The following TBC1D7 variants were observed in gnomAD, a reference collection of about 807,000 sequenced individuals.
TBC1D7 encodes TBC1 domain family member 7, also known as TBC domain family 7.
TBC1D7 carries 33 observed loss-of-function variants against 35.3 expected under a neutral mutation model. That is an observed-to-expected ratio of 0.93 (90% CI 0.71 to 1.25). The LOEUF is 1.25. Ranked by LOEUF, TBC1D7 falls within the 50% of genes most tolerant of loss-of-function variation. The pLI is 0.00. For missense variants in TBC1D7, 362 were observed against 365.3 expected, an observed-to-expected ratio of 0.99 and a Z score of 0.07; for synonymous variants, 135 against 129.5, an observed-to-expected ratio of 1.04 and a Z score of -0.29.
chr6:13,316,497 G>C (rs1783626693), intron 5 of TBC1D7, 74 bp downstream of exon 5: 20 of 1,499,280 alleles, frequency 1.3e-5, no homozygotes, highest in Non-Finnish European at 1.6e-5. Flanking sequence ...GCCCCAGGAG[G>C]TAAGAGCACT....
chr6:13,315,559 A>G (rs1201039850), intron 5 of TBC1D7, among the ~76,000 whole-genome samples: 1 of 152,052 alleles, frequency 6.6e-6, no homozygotes, highest in Non-Finnish European at 1.5e-5. Flanking sequence ...ACTAAAAAAG[A>G]TACAAAAATT....
chr6:13,318,809 T>C (rs1039175335), intron 4 of TBC1D7: 1 of 152,172 alleles, frequency 6.6e-6, no homozygotes, highest in Non-Finnish European at 1.5e-5. Flanking sequence ...AACTAATACA[T>C]GCAGAAAGAA....
chr6:13,305,278 TG>T, intron 7 of TBC1D7, 91 bp from the exon 8 acceptor site: 1 of 1,234,012 alleles, frequency 8.1e-7, no homozygotes, highest in South Asian at 1.2e-5. Context: ...TCCACTTCCA[TG>T]GGAGTTTGCA....
At chr6:13,325,340 C>T (rs1784334228) in intron 2 of TBC1D7, among the ~76,000 whole-genome samples, 166 bp from the exon 3 acceptor site, 3 of 152,172 alleles carry the variant, frequency 2.0e-5, no homozygotes, top group Admixed American at 6.5e-5. Flanking sequence ...TGATTTCTAG[C>T]CCAAGACTTC....
chr6:13,319,773 T>G (rs1783898000), intron 4 of TBC1D7: 1 of 152,224 alleles, frequency 6.6e-6, no homozygotes. Context: ...AATAAAAATT[T>G]TTTAGAAATC....
At chr6:13,317,698 G>C (rs1437176313) in intron 4 of TBC1D7, among the ~76,000 whole-genome samples, 1 of 152,242 alleles carries the variant, frequency 6.6e-6, no homozygotes. Context: ...CTCCCGTGCA[G>C]TTCTGTGCAC....
At chr6:13,305,291 T>C in intron 7 of TBC1D7, 104 bp from the exon 8 acceptor site, 1 of 1,098,730 alleles carries the variant, frequency 9.1e-7, no homozygotes, top group Non-Finnish European at 1.4e-6. Flanking sequence ...GAGTTTGCAC[T>C]GTTTTTCAGA....
chr6:13,313,644 A>C (rs1294837360), intron 5 of TBC1D7, among the ~76,000 whole-genome samples: 1 of 152,208 alleles, frequency 6.6e-6, no homozygotes, highest in Non-Finnish European at 1.5e-5. Flanking sequence ...AATTTGTAAC[A>C]GGAAATGCTA....
chr6:13,309,227 C>T (rs913827361), intron 5 of TBC1D7, among the ~76,000 whole-genome samples: 1 of 152,186 alleles, frequency 6.6e-6, no homozygotes, highest in Non-Finnish European at 1.5e-5. Flanking sequence ...AACACACACA[C>T]AGAGTTATAT....
At position 13,316,686 on chromosome 6, in the gene TBC1D7, A is replaced by G. The variant is rs901053793; in HGVS notation, c.404T>C (p.Leu135Pro). 1.9e-6 allele frequency: 3 copies of G among 1,614,150 alleles called. No homozygotes were observed. The Admixed American group carries it at 5.0e-5, about 27-fold the overall frequency. ...TTCCTCCATGGCTTTAGCTATGGCA[A>G]GAAACACTTCATCATCTGGCTCCTG... ...FPLEPDDEVF[L>P]AIAKAMEEMV... is the part of the protein sequence containing the mutation. Residue 135 changes from leucine to proline, a missense_variant, in exon 5 of 8, where the codon CTT (leucine) becomes CCT (proline). Coordinates refer to ENST00000379300, the MANE Select transcript of TBC1D7 (RefSeq NM_016495.6).
chr6:13,321,258 A>G (rs537915431), intron 3 of TBC1D7, among the ~76,000 whole-genome samples, 163 bp from the exon 4 acceptor site: 4 of 152,354 alleles, frequency 2.6e-5, no homozygotes, highest in African/African-American at 9.6e-5. Context: ...AATTCTCACT[A>G]TAAAACAATC....
At position 13,305,150 on chromosome 6, in the gene TBC1D7, G is replaced by A. The variant is rs150455776; in HGVS notation, c.833C>T (p.Ala278Val). ...ACAGTGTTTGTGCCACAAGTCAATG[G>A]CCTTGCTCACGATCGCGTCTGAGCT... ...QDSSDAIVSK[A>V]IDLWHKHCGT... The change falls in exon 8 of 8, where the codon GCC becomes GTC. Residue 278 changes from alanine to valine, a missense_variant. Coordinates refer to ENST00000379300, the MANE Select transcript of TBC1D7 (RefSeq NM_016495.6). 1.2e-6 allele frequency: 2 copies of A among 1,614,102 alleles called. No individual in the cohort carries two copies. The highest frequency in any genetic ancestry group is 1.1e-5 in the South Asian group (1 of 91,082).
At chr6:13,309,256 G>T (rs748395440) in intron 5 of TBC1D7, among the ~76,000 whole-genome samples, 3 of 152,294 alleles carry the variant, frequency 2.0e-5, no homozygotes, top group Non-Finnish European at 4.4e-5. Flanking sequence ...TCAGAGCAAA[G>T]AAAATTTCAT....
chr6:13,321,079 G>A lies in TBC1D7; in HGVS notation c.210C>T (p.His70=). The A allele has an allele frequency of 1.2e-6, 2 of 1,613,122 alleles. No individual in the cohort carries two copies. Among genetic ancestry groups the A allele is most frequent in the Non-Finnish European group, 1.7e-6 (2 of 1,179,288 alleles). ...WKVLLGILPP[H]HESHAKVMMY... ...TCATCACCTTGGCATGGGACTCGTG[G>A]TGTGGAGGCAAGATTCCTAGAGAGA... Residue 70 remains histidine, a synonymous_variant, in exon 4 of 8, where the codon CAC becomes CAT. Coordinates refer to ENST00000379300, the MANE Select transcript of TBC1D7 (RefSeq NM_016495.6).
At chr6:13,324,262 G>A (rs1255087988) in intron 3 of TBC1D7, among the ~76,000 whole-genome samples, 3 of 151,984 alleles carry the variant, frequency 2.0e-5, no homozygotes, top group Non-Finnish European at 4.4e-5. Flanking sequence ...CAGGTAGCTG[G>A]GACTACAGGC....
At position 13,321,054 on chromosome 6, in the gene TBC1D7, T is replaced by C. The variant is rs1784007712; in HGVS notation, c.235A>G (p.Met79Val). The C allele has an allele frequency of 3.7e-6, 6 of 1,613,920 alleles. No individual in the cohort carries two copies. Among genetic ancestry groups the C allele is most frequent in the South Asian group, 2.2e-5 (2 of 91,078 alleles). The change falls in exon 4 of 8, where the codon ATG (methionine) becomes GTG (valine). Residue 79 changes from methionine to valine, a missense_variant. Transcript: ENST00000379300. ...TCCAAGTACTGCTCCTTACGATACA[T>C]CATCACCTTGGCATGGGACTCGTGG... ...PHHESHAKVM[M>V]YRKEQYLDVL...
intron 5 of TBC1D7, among the ~76,000 whole-genome samples, chr6:13,309,838 C>T (rs1033137772): frequency 1.3e-5 from 2 of 152,088 alleles, no homozygotes; most frequent in African/African-American, 4.8e-5. Context: ...AATATCCCTA[C>T]CTAAAGAGAG....
chr6:13,319,469 G>GAAAAAAAAAAAAAAAAAAAAAAAAA (rs1236035284), intron 4 of TBC1D7: 3 of 98,116 alleles, frequency 3.1e-5, no homozygotes, highest in African/African-American at 3.6e-5. Context: ...TCAAAAAAAA[G>GAAAAAAAAAAAAAAAAAAAAAAAAA]AAAAAAAAAA....
intron 3 of TBC1D7, among the ~76,000 whole-genome samples, chr6:13,322,836 C>T (rs1303988949): frequency 1.3e-5 from 2 of 152,206 alleles, no homozygotes; most frequent in African/African-American, 2.4e-5. Flanking sequence ...ACCCTCATCA[C>T]CCTGCTAGAG....
Sources: gnomAD v4.1 joint callset for allele counts (sites outside exome capture counted in the v4.1 genomes callset) on GRCh38, gnomAD v4.1.1 for gene constraint, MANE v1.5 for transcripts, NCBI Gene and HGNC (gene_info 2026-07-23, HGNC 2026-07-21) for gene names.